NTM: variants seen among roughly 807,000 people sequenced by gnomAD.
NTM encodes the protein neurotrimin.
In NTM, 13 loss-of-function variants were observed where a neutral mutation model predicts 42.1. The ratio of observed to expected loss-of-function variants is 0.31; its 90% CI spans 0.20 to 0.49. NTM has a LOEUF of 0.49. Ranked by LOEUF, NTM falls within the 20% of genes least tolerant of loss-of-function variation. NTM has a pLI of 0.99. For missense variants in NTM, 373 were observed against 452.8 expected (o/e 0.82, Z 1.60); for synonymous variants, 187 against 179.2 (o/e 1.04, Z -0.35).
Position 132,003,885 on chromosome 11 carries a change from A to G in NTM, c.167+92237A>G, listed in dbSNP as rs1331527782. Among the ~76,000 whole-genome samples, 1 of 152,226 alleles carries G rather than the reference A, an allele frequency of 6.6e-6. No homozygotes were observed. Among genetic ancestry groups the G allele is most frequent in the Non-Finnish European group, 1.5e-5 (1 of 68,044 alleles). ...GATTATCTAAAAGGTCAAGATTCTC[A>G]TGTAGACTTCTTTTTGAACATTCTT... On this transcript the variant is annotated intron_variant, in intron 2 of 8. Transcript: ENST00000683400. This position sits in a 1 kb window ranked among gnomAD's most constrained non-coding sequence, Gnocchi z 6.0.
At chr11:131,821,534 A>C (rs564147013) in intron 1 of NTM, among the ~76,000 whole-genome samples, 3 of 152,374 alleles carry the variant, frequency 2.0e-5, no homozygotes, top group Non-Finnish European at 4.4e-5. Flanking sequence ...TTAACTTCTC[A>C]GATGCTGTCT....
At chr11:132,122,587 T>C (rs1747845555) in intron 2 of NTM, among the ~76,000 whole-genome samples, 1 of 152,186 alleles carries the variant, frequency 6.6e-6, no homozygotes, top group Non-Finnish European at 1.5e-5. Context: ...ACTTGTCTGA[T>C]AAAAGTGGTG....
intron 2 of NTM, among the ~76,000 whole-genome samples, chr11:132,024,851 G>A (rs536644025): frequency 1.4e-4 from 21 of 152,268 alleles, no homozygotes; most frequent in African/African-American, 4.8e-4. Context: ...CTCTGTGGAG[G>A]TTAGGAACAC....
intron 1 of NTM, among the ~76,000 whole-genome samples, chr11:131,866,642 A>G (rs554590673): frequency 6.6e-6 from 1 of 152,356 alleles, no homozygotes; most frequent in East Asian, 1.9e-4. Flanking sequence ...ACTGCTGACA[A>G]AGGAATTTGC....
intron 1 of NTM, among the ~76,000 whole-genome samples, chr11:131,377,791 C>G (rs904410628): frequency 2.0e-5 from 3 of 152,186 alleles, no homozygotes; most frequent in African/African-American, 7.2e-5. Flanking sequence ...ACTGTGTACT[C>G]TAGCTGCACC....
At chr11:131,399,117 C>A (rs979169217) in intron 1 of NTM, among the ~76,000 whole-genome samples, 21 of 152,218 alleles carry the variant, frequency 1.4e-4, no homozygotes, top group Non-Finnish European at 2.8e-4. Context: ...ACCCTAAATC[C>A]CTTTTAAAAC....
intron 1 of NTM, among the ~76,000 whole-genome samples, chr11:131,563,579 C>CAT (rs772759392): frequency 3.6e-4 from 32 of 88,768 alleles, no homozygotes; most frequent in Middle Eastern, 9.1e-3. Flanking sequence ...GCTCCAGACA[C>CAT]TTTTTTTTTT....
intron 1 of NTM, among the ~76,000 whole-genome samples, chr11:131,395,791 G>A (rs767951422): frequency 2.0e-5 from 3 of 152,148 alleles, no homozygotes; most frequent in Admixed American, 6.5e-5. Flanking sequence ...GATTTCCTCT[G>A]TTCTTTTTCT....
chr11:132,017,438 C>T lies in NTM; in HGVS notation c.167+105790C>T, dbSNP rs567444027. Among the ~76,000 whole-genome samples the T allele has an allele frequency of 3.2e-4, 48 of 151,944 alleles. No individual in the cohort carries two copies. In the South Asian group the frequency reaches 9.1e-3, roughly 29 times the overall value. On this transcript the variant is annotated intron_variant, in intron 2 of 8. Coordinates refer to ENST00000683400, the MANE Select transcript of NTM (RefSeq NM_001352005.2). ...ACACTTTTGACAAAATTCAGTTGAC[C>T]GTAAATGGGATTCATGACTCTTGAT...
chr11:132,245,409 G>A (rs2090965086), intron 4 of NTM, among the ~76,000 whole-genome samples: 1 of 152,166 alleles, frequency 6.6e-6, no homozygotes, highest in Non-Finnish European at 1.5e-5. Context: ...GAGGTGAGGA[G>A]GGAGGGGATT....
chr11:131,463,958 C>T (rs999031078), intron 1 of NTM, among the ~76,000 whole-genome samples: 5 of 152,172 alleles, frequency 3.3e-5, no homozygotes, highest in Admixed American at 6.5e-5. Flanking sequence ...ACGGGACTGG[C>T]GATAAAGCAG....
At chr11:131,654,972 A>T (rs1042352516) in intron 1 of NTM, among the ~76,000 whole-genome samples, 3 of 152,200 alleles carry the variant, frequency 2.0e-5, no homozygotes, top group Non-Finnish European at 4.4e-5. Flanking sequence ...ATCTCAGGCC[A>T]CATGCACATG....
At chr11:132,195,604 C>G (rs1016197543) in intron 3 of NTM, among the ~76,000 whole-genome samples, 3 of 152,086 alleles carry the variant, frequency 2.0e-5, no homozygotes, top group Middle Eastern at 3.2e-3. Context: ...GTTACAAAAA[C>G]AGACACGTAG....
At chr11:131,991,196 TG>T (rs1300607467) in intron 2 of NTM, among the ~76,000 whole-genome samples, 5 of 151,944 alleles carry the variant, frequency 3.3e-5, no homozygotes, top group Admixed American at 3.3e-4. Flanking sequence ...TTAAAAGAGG[TG>T]TTTTTTTGTT....
At chr11:131,684,430 A>G (rs1399428105) in intron 1 of NTM, among the ~76,000 whole-genome samples, 1 of 152,016 alleles carries the variant, frequency 6.6e-6, no homozygotes, top group Non-Finnish European at 1.5e-5. Flanking sequence ...CTGCCTGGAA[A>G]CCTTTTCTCA....
chr11:131,688,848 A>G (rs1240758336), intron 1 of NTM, among the ~76,000 whole-genome samples: 4 of 152,192 alleles, frequency 2.6e-5, no homozygotes, highest in African/African-American at 9.6e-5. Context: ...TTGCAGACCA[A>G]TGGGCAGGTG....
intron 1 of NTM, among the ~76,000 whole-genome samples, chr11:131,763,408 C>A (rs999359663): frequency 6.6e-6 from 1 of 152,170 alleles, no homozygotes; most frequent in Non-Finnish European, 1.5e-5. Context: ...TGAATCAATG[C>A]AGGTCGTTGA....
At chr11:131,773,875 G>C (rs1468176999) in intron 1 of NTM, 2 of 309,634 alleles carry the variant, frequency 6.5e-6, no homozygotes, top group Non-Finnish European at 9.4e-6. Flanking sequence ...TCGTTTTATT[G>C]CATGGTCTGG....
intron 2 of NTM, among the ~76,000 whole-genome samples, chr11:132,058,137 T>A (rs1288265557): frequency 6.6e-6 from 1 of 152,242 alleles, no homozygotes; most frequent in East Asian, 1.9e-4. Flanking sequence ...TATTTGATGT[T>A]CATGGTGGCG....
Sources: gnomAD v4.1 joint callset for allele counts (sites outside exome capture counted in the v4.1 genomes callset) on GRCh38, gnomAD v4.1.1 for gene constraint, Gnocchi (gnomAD v3.1) non-coding constraint, MANE v1.5 for transcripts, NCBI Gene and HGNC (gene_info 2026-07-23, HGNC 2026-07-21) for gene names.